The following KIAA1143 variants were observed in gnomAD, a reference collection of about 807,000 sequenced individuals.
KIAA1143 encodes the protein uncharacterized protein KIAA1143.
Under a neutral mutation model 17.0 loss-of-function variants are expected in KIAA1143, and 8 were observed. The ratio of observed to expected loss-of-function variants is 0.47; its 90% CI spans 0.28 to 0.85. The LOEUF (loss-of-function observed/expected upper bound fraction) is 0.85, where lower values mean the gene tolerates loss of function less well. Ranked by LOEUF, KIAA1143 falls within the 40% of genes least tolerant of loss-of-function variation. The pLI is 0.12. For synonymous variants in KIAA1143, 64 were observed against 67.8 expected, an observed-to-expected ratio of 0.94 and a Z score of 0.27; for missense variants, 162 against 183.3, an observed-to-expected ratio of 0.88 and a Z score of 0.67.
intron 1 of KIAA1143, among the ~76,000 whole-genome samples, chr3:44,759,270 G>C (rs986297142): frequency 6.6e-6 from 1 of 152,178 alleles, no homozygotes; most frequent in South Asian, 2.1e-4. Context: ...TAATCTCCTT[G>C]TAGATCTCCA....
At chr3:44,758,864 CTTTTTTTT>C (rs1215136400) in intron 1 of KIAA1143, among the ~76,000 whole-genome samples, 1 of 140,004 alleles carries the variant, frequency 7.1e-6, no homozygotes, top group Non-Finnish European at 1.6e-5. Context: ...ATGGTTTTGA[CTTTTTTTT>C]TTTTTTTTGA....
chr3:44,761,222 G>C (rs980577350), intron 1 of KIAA1143, among the ~76,000 whole-genome samples: 4 of 152,118 alleles, frequency 2.6e-5, no homozygotes, highest in Non-Finnish European at 5.9e-5. Context: ...ACAATAAAGT[G>C]ATCTTTCTTT....
At chr3:44,758,269 T>A (rs982523093) in intron 1 of KIAA1143, among the ~76,000 whole-genome samples, 19 of 152,188 alleles carry the variant, frequency 1.2e-4, no homozygotes, top group African/African-American at 4.6e-4. Flanking sequence ...TGGCAATTTT[T>A]AAAAATAAGA....
In KIAA1143 at chr3:44,750,206, A is replaced by G. The variant is rs1280998071; in HGVS notation, c.*3135T>C. 6.6e-6 allele frequency: 1 copy of G among 152,256 alleles called. No individual in the cohort carries two copies. The highest frequency in any genetic ancestry group is 1.5e-5 in the Non-Finnish European group (1 of 68,052). 9.4% of individuals were successfully genotyped at this position (152,256 alleles called of 1,614,324 possible). On this transcript the variant is annotated 3_prime_UTR_variant, in exon 3 of 3. Coordinates refer to ENST00000296121, the MANE Select transcript of KIAA1143 (RefSeq NM_020696.4). ...TGACCATACTAATGGAAAAAAGTTA[A>G]TTCAAAAACTTTTGACCTTAAACTA...
chr3:44,760,727 C>T (rs1705085477), intron 1 of KIAA1143, among the ~76,000 whole-genome samples: 1 of 134,958 alleles, frequency 7.4e-6, no homozygotes, highest in South Asian at 2.4e-4. Flanking sequence ...GCTCTGTTGT[C>T]CAGGCTGGAG....
rs1226137586 is a variant in KIAA1143, at chr3:44,761,516, C to T, written c.87G>A (p.Glu29=). 2.5e-6 allele frequency: 4 copies of T among 1,613,762 alleles called. No individual in the cohort carries two copies. The highest frequency in any genetic ancestry group is 1.6e-4 in the Middle Eastern group (1 of 6,082). ...ARFKERVGYR[E]GPTVETKRIQ... ...TCACCTTAGTCTCTACGGTGGGTCCCTCCCTGTAGCCGACCCGTTCCTTGA... is the reference window on the plus strand; with the variant it reads ...TCACCTTAGTCTCTACGGTGGGTCCTTCCCTGTAGCCGACCCGTTCCTTGA... Residue 29 remains glutamate (E), a synonymous_variant, in exon 1 of 3, where the codon GAG becomes GAA. Coordinates refer to ENST00000296121, the MANE Select transcript of KIAA1143 (RefSeq NM_020696.4).
In KIAA1143 at chr3:44,751,188, T is replaced by A. The variant is rs1406052506; in HGVS notation, c.*2153A>T. On this transcript the variant is annotated 3_prime_UTR_variant, in exon 3 of 3. Coordinates refer to ENST00000296121, the MANE Select transcript of KIAA1143 (RefSeq NM_020696.4). ...GAAGTTAGGTCGGTTCTGCTGTGATTTGTCTTTGGTGGAAGTGGTAGACTG... is the reference window on the plus strand; with the variant it reads ...GAAGTTAGGTCGGTTCTGCTGTGATATGTCTTTGGTGGAAGTGGTAGACTG... The A allele has an allele frequency of 1.3e-5, 2 of 152,156 alleles. No individual in the cohort carries two copies. The highest frequency in any genetic ancestry group is 2.9e-5 in the Non-Finnish European group (2 of 68,036). 9.4% of individuals were successfully genotyped at this position (152,156 alleles called of 1,614,324 possible).
chr3:44,761,614 GTAAA>G lies in KIAA1143; in HGVS notation c.-16_-13del. ...TTCCGCTTGCTCATGGTAGCTCTGG[GTAAA>G]GACAGAAGACAGGTTCCGCGACGGA... On this transcript the variant is annotated 5_prime_UTR_variant, in exon 1 of 3. Coordinates refer to ENST00000296121, the MANE Select transcript of KIAA1143 (RefSeq NM_020696.4). The G allele has an allele frequency of 6.4e-7, 1 of 1,553,660 alleles. No homozygotes were observed. Among genetic ancestry groups the G allele is most frequent in the Non-Finnish European group, 8.6e-7 (1 of 1,157,102 alleles).
rs190998920 is a variant in KIAA1143 at position 44,756,286 on chromosome 3, C to T, written c.109-1918G>A. Among the ~76,000 whole-genome samples, 158 of 152,294 alleles carry T rather than the reference C, an allele frequency of 1.0e-3. No homozygotes were observed. In the South Asian group the frequency reaches 0.012, roughly 12 times the overall value. Reference sequence around the variant, plus strand: ...TCTCAAGAAAGTGAATAGGGCCAGGCGCAGTGGCTCATGCCTGTAATCCCA... The same window carrying T: ...TCTCAAGAAAGTGAATAGGGCCAGGTGCAGTGGCTCATGCCTGTAATCCCA... On this transcript the variant is annotated intron_variant, in intron 1 of 2. Transcript: ENST00000296121.
intron 1 of KIAA1143, among the ~76,000 whole-genome samples, chr3:44,759,944 A>AGGC (rs1247737528): frequency 6.8e-6 from 1 of 147,672 alleles, no homozygotes; most frequent in Non-Finnish European, 1.5e-5. Flanking sequence ...TTCCAATAGA[A>AGGC]GGCTGTTTCA....
rs1298061478 is a variant in KIAA1143, at chr3:44,749,722, T to C, written c.*3619A>G. The C allele has an allele frequency of 6.6e-6, 1 of 152,360 alleles. No homozygotes were observed. The highest frequency in any genetic ancestry group is 2.1e-4 in the South Asian group (1 of 4,826). The allele number at this position is 152,360 out of a possible 1,614,324, so 9.4% of individuals were successfully genotyped here. The stretch of plus-strand genomic sequence containing the variant: ...AAAGTATACTCTAATAAATTCCAGA[T>C]AGAATAAAGGTTAATGTGAATAAAC... On this transcript the variant is annotated 3_prime_UTR_variant, in exon 3 of 3. Transcript: ENST00000296121.
At chr3:44,760,429 G>A (rs562823946) in intron 1 of KIAA1143, among the ~76,000 whole-genome samples, 58 of 151,976 alleles carry the variant, frequency 3.8e-4, no homozygotes, top group Non-Finnish European at 5.1e-4. Flanking sequence ...TCGCTCTGTC[G>A]CCCAGTCTGG....
rs1292333100 is a variant in KIAA1143, at chr3:44,751,310, A to G, written c.*2031T>C. 1 of 152,176 alleles carries G rather than the reference A, an allele frequency of 6.6e-6. No individual in the cohort carries two copies. The highest frequency in any genetic ancestry group is 1.5e-5 in the Non-Finnish European group (1 of 68,038). The allele number at this position is 152,176 out of a possible 1,614,324, so 9.4% of individuals were successfully genotyped here. On this transcript the variant is annotated 3_prime_UTR_variant, in exon 3 of 3. Transcript: ENST00000296121. ...GCAACCACCAGACACAACGGCTAGG[A>G]ATAACAGCAGAGGTAGGAATGGGAG... is the stretch of plus-strand genomic sequence containing the variant.
chr3:44,760,974 G>A (rs148234409), intron 1 of KIAA1143, among the ~76,000 whole-genome samples: 2 of 152,330 alleles, frequency 1.3e-5, no homozygotes, highest in African/African-American at 4.8e-5. Context: ...TTACAGGCGT[G>A]AGCCACTGTG....
At chr3:44,759,584 A>G (rs1480233738) in intron 1 of KIAA1143, among the ~76,000 whole-genome samples, 1 of 152,120 alleles carries the variant, frequency 6.6e-6, no homozygotes, top group Non-Finnish European at 1.5e-5. Flanking sequence ...ATATGAAGCC[A>G]GGCACTGACT....
intron 1 of KIAA1143, among the ~76,000 whole-genome samples, chr3:44,757,543 C>T (rs1434290759): frequency 6.6e-6 from 1 of 152,208 alleles, no homozygotes; most frequent in Non-Finnish European, 1.5e-5. Flanking sequence ...CCCACTACTT[C>T]GTGCCAGGCA....
chr3:44,756,150 CTCTCT>C (rs1258650646), intron 1 of KIAA1143, among the ~76,000 whole-genome samples: 3 of 152,188 alleles, frequency 2.0e-5, no homozygotes, highest in Non-Finnish European at 2.9e-5. Context: ...TTAATTCTGA[CTCTCT>C]TCTCTTTTTT....
At position 44,761,479 on chromosome 3, in the gene KIAA1143, A is replaced by G. The variant is rs927768324; in HGVS notation, c.108+16T>C. On this transcript the variant is annotated intron_variant, in intron 1 of 2. Coordinates refer to ENST00000296121, the MANE Select transcript of KIAA1143 (RefSeq NM_020696.4). ...CTGGCTGCGCTTCCGAAGAAACACG[A>G]CTGGCGAAGGCTCACCTTAGTCTCT... 3 of 1,594,822 alleles carry G rather than the reference A, an allele frequency of 1.9e-6. No individual in the cohort carries two copies. The highest frequency in any genetic ancestry group is 2.7e-5 in the African/African-American group (2 of 74,194).
At position 44,749,809 on chromosome 3, in the gene KIAA1143, T is replaced by G. The variant is rs1371004846; in HGVS notation, c.*3532A>C. The G allele has an allele frequency of 2.0e-5, 3 of 152,222 alleles. No individual in the cohort carries two copies. The highest frequency in any genetic ancestry group is 4.4e-5 in the Non-Finnish European group (3 of 68,040). The allele number at this position is 152,222 out of a possible 1,614,324, so 9.4% of individuals were successfully genotyped here. On this transcript the variant is annotated 3_prime_UTR_variant, in exon 3 of 3. Coordinates refer to ENST00000296121, the MANE Select transcript of KIAA1143 (RefSeq NM_020696.4). The stretch of plus-strand genomic sequence containing the variant: ...ATTTATTTCTATTTTTTATTTTTTT[T>G]GAGACAGTTCTTACTCTGTTGCCCA...
Sources: allele counts gnomAD v4.1 joint callset (sites outside exome capture counted in the v4.1 genomes callset), GRCh38; gene constraint gnomAD v4.1.1; transcripts MANE v1.5; gene names NCBI Gene and HGNC (gene_info 2026-07-23, HGNC 2026-07-21).